Variants in FAM222A observed in about 807,000 individuals in gnomAD.
FAM222A encodes the protein protein FAM222A.
A neutral mutation model predicts 25.8 loss-of-function variants in FAM222A; 7 were observed. That is an observed-to-expected ratio of 0.27 (90% CI 0.15 to 0.51). FAM222A has a LOEUF of 0.51. FAM222A is among the 20% of genes least tolerant of loss of function. FAM222A has a pLI of 0.97. For missense variants in FAM222A, 573 were observed against 640.5 expected, an observed-to-expected ratio of 0.89 and a Z score of 1.14; for synonymous variants, 294 against 298.8, an observed-to-expected ratio of 0.98 and a Z score of 0.17.
chr12:109,721,751 T>A (rs1332455490), intron 1 of FAM222A, among the ~76,000 whole-genome samples: 1 of 152,184 alleles, frequency 6.6e-6, no homozygotes, highest in Non-Finnish European at 1.5e-5. Flanking sequence ...CTCCCACTTG[T>A]GTTCATCCAT....
chr12:109,749,288 T>A (rs1337441336), intron 2 of FAM222A, among the ~76,000 whole-genome samples: 1 of 152,150 alleles, frequency 6.6e-6, no homozygotes, highest in Non-Finnish European at 1.5e-5. Context: ...GTATTTTTAG[T>A]AGAGACGGGG....
At chr12:109,739,352 G>A (rs1312436408) in intron 1 of FAM222A, among the ~76,000 whole-genome samples, 1 of 152,222 alleles carries the variant, frequency 6.6e-6, no homozygotes, top group East Asian at 1.9e-4. Context: ...GTCAGTTCTG[G>A]CTAGATGTTC....
At chr12:109,726,143 T>C (rs112585414) in intron 1 of FAM222A, among the ~76,000 whole-genome samples, 2,219 of 128,278 alleles carry the variant, frequency 0.017, 56 homozygotes, top group African/African-American at 0.061. Context: ...AAAAAAAAAG[T>C]TGGCAAAACC....
At chr12:109,743,608 G>A (rs1157943100) in intron 1 of FAM222A, among the ~76,000 whole-genome samples, 1 of 152,324 alleles carries the variant, frequency 6.6e-6, no homozygotes, top group African/African-American at 2.4e-5. Flanking sequence ...GATGCCCTGG[G>A]CGGGAGACAG....
intron 2 of FAM222A, among the ~76,000 whole-genome samples, chr12:109,766,660 G>A (rs986753824): frequency 1.3e-5 from 2 of 152,222 alleles, no homozygotes; most frequent in African/African-American, 4.8e-5. Context: ...AGGAAGGAAT[G>A]TCCCCCAGAG....
Position 109,714,365 on chromosome 12 carries a change from T to A in FAM222A, c.-579T>A, listed in dbSNP as rs1033508585. 1 of 152,970 alleles carries A rather than the reference T, an allele frequency of 6.5e-6. No homozygotes were observed. The allele number at this position is 152,970 out of a possible 1,614,324, so 9.5% of individuals were successfully genotyped here. ...GGCGAGGAGCCGGGGCCGCTGCGGG[T>A]GCGTGCAACCCCCGAAGGAGACAAT... On this transcript the variant is annotated 5_prime_UTR_variant, in exon 1 of 3. Coordinates refer to ENST00000538780, the MANE Select transcript of FAM222A (RefSeq NM_032829.3). This position sits in a 1 kb window ranked among gnomAD's most constrained non-coding sequence, Gnocchi z 4.2.
rs1343067691 is a variant in FAM222A at position 109,721,204 on chromosome 12, G to C, written c.-47+6307G>C. 5.9e-5 allele frequency among the ~76,000 whole-genome samples: 9 copies of C among 152,194 alleles called. 1 individual carries two copies. The highest frequency in any genetic ancestry group is 5.9e-4 in the Admixed American group (9 of 15,290). On this transcript the variant is annotated intron_variant, in intron 1 of 2. Coordinates refer to ENST00000538780, the MANE Select transcript of FAM222A (RefSeq NM_032829.3). ...CCCTGGGCCACATGGCAGGCCCACAGAACCCCCTTCATTATCCACACAAGC... is the reference window on the plus strand; with the variant it reads ...CCCTGGGCCACATGGCAGGCCCACACAACCCCCTTCATTATCCACACAAGC...
At position 109,768,580 on chromosome 12, in the gene FAM222A, C is replaced by G. The variant is rs1889134947; in HGVS notation, c.651C>G (p.Pro217=). 1 of 1,602,120 alleles carries G rather than the reference C, an allele frequency of 6.2e-7. No homozygotes were observed. The highest frequency in any genetic ancestry group is 1.7e-5 in the Admixed American group (1 of 59,714). ...NQQCQAPGAA[P]PACQGMAIPH... ...AGTGCCAGGCCCCGGGCGCCGCACCCCCTGCCTGCCAGGGCATGGCTATTC... is the reference window on the plus strand; with the variant it reads ...AGTGCCAGGCCCCGGGCGCCGCACCGCCTGCCTGCCAGGGCATGGCTATTC... Residue 217 remains proline (P), a synonymous_variant, in exon 3 of 3, where the codon CCC becomes CCG. Transcript: ENST00000538780.
chr12:109,715,126 G>A (rs1439276357), intron 1 of FAM222A, among the ~76,000 whole-genome samples: 1 of 152,202 alleles, frequency 6.6e-6, no homozygotes, highest in Non-Finnish European at 1.5e-5. Context: ...CGGGTTGGTT[G>A]CCAGAGAGGA....
chr12:109,769,486 C>T lies in FAM222A; in HGVS notation c.*198C>T. 1 of 652,692 alleles carries T rather than the reference C, an allele frequency of 1.5e-6. No individual in the cohort carries two copies. The allele number at this position is 652,692 out of a possible 1,614,324, so 40.4% of individuals were successfully genotyped here. A position where few individuals can be genotyped will look rare whatever the true frequency, so the allele number is the denominator to read the frequency against. On this transcript the variant is annotated 3_prime_UTR_variant, in exon 3 of 3. Coordinates refer to ENST00000538780, the MANE Select transcript of FAM222A (RefSeq NM_032829.3). ...CAACCTCACATACCAAGGCCCCTCC[C>T]CACCATCGGTTGCCCCAGGACACAG...
chr12:109,750,091 A>C (rs1023039041), intron 2 of FAM222A, among the ~76,000 whole-genome samples: 4 of 152,102 alleles, frequency 2.6e-5, no homozygotes, highest in African/African-American at 9.7e-5. Context: ...TTTGTGCTTT[A>C]TTTAAGTTGT....
intron 1 of FAM222A, among the ~76,000 whole-genome samples, chr12:109,741,198 G>A (rs1592786933): frequency 6.6e-6 from 1 of 152,166 alleles, no homozygotes; most frequent in Non-Finnish European, 1.5e-5. Context: ...CCTGCCATGT[G>A]CCCCCAGTGG....
rs142323539 is a variant in FAM222A, at chr12:109,768,207, C to T, written c.278C>T (p.Pro93Leu). 104 of 1,612,942 alleles carry T rather than the reference C, an allele frequency of 6.4e-5. No homozygotes were observed. Among genetic ancestry groups the T allele is most frequent in the Non-Finnish European group, 8.6e-5 (101 of 1,179,780 alleles). Residue 93 changes from proline (P) to leucine (L), a missense_variant, in exon 3 of 3, where the codon CCA becomes CTA. This residue lies in a region of FAM222A where 112 missense variants were observed against 154.6 expected (regional missense o/e 0.72). Coordinates refer to ENST00000538780, the MANE Select transcript of FAM222A (RefSeq NM_032829.3). ...AGTGGCCAGCGCTACAGCCCCTACC[C>T]ACAGCACACCGCTGGCTACCAGGGC... Reference protein sequence around the residue: ...DTSGQRYSPYPQHTAGYQGLL... With the variant: ...DTSGQRYSPYLQHTAGYQGLL...
At chr12:109,743,903 T>A (rs1221102294) in intron 1 of FAM222A, 198 bp from the exon 2 acceptor site, 6 of 985,216 alleles carry the variant, frequency 6.1e-6, no homozygotes, top group Non-Finnish European at 7.2e-6. Flanking sequence ...CTGGATTCTG[T>A]CCCTTCCCAT....
chr12:109,747,746 C>G (rs1313372397), intron 2 of FAM222A, among the ~76,000 whole-genome samples: 1 of 152,170 alleles, frequency 6.6e-6, no homozygotes, highest in Non-Finnish European at 1.5e-5. Flanking sequence ...TGGAAGGTCA[C>G]TTATATGAAG....
At chr12:109,755,562 C>T (rs1015916164) in intron 2 of FAM222A, among the ~76,000 whole-genome samples, 10 of 151,928 alleles carry the variant, frequency 6.6e-5, no homozygotes, top group Admixed American at 1.3e-4. Context: ...CCACGACCTC[C>T]GGTGATCAGC....
chr12:109,731,733 T>C (rs1441382491), intron 1 of FAM222A, among the ~76,000 whole-genome samples: 1 of 152,042 alleles, frequency 6.6e-6, no homozygotes, highest in African/African-American at 2.4e-5. Flanking sequence ...TGCCCACCCA[T>C]GTTGAGGGTC....
At chr12:109,742,305 A>G (rs958537857) in intron 1 of FAM222A, 5 of 152,262 alleles carry the variant, frequency 3.3e-5, no homozygotes, top group Admixed American at 1.3e-4. Context: ...GGCTGTGGTG[A>G]TGGCAGGCCC....
At chr12:109,747,190 T>C (rs1888425137) in intron 2 of FAM222A, among the ~76,000 whole-genome samples, 1 of 152,174 alleles carries the variant, frequency 6.6e-6, no homozygotes, top group Non-Finnish European at 1.5e-5. Context: ...GCCTCCCAGG[T>C]TCAAGTGATT....
Sources: allele counts gnomAD v4.1 joint callset (sites outside exome capture counted in the v4.1 genomes callset), GRCh38; gene constraint gnomAD v4.1.1; regional missense constraint gnomAD v4.1.1; non-coding constraint Gnocchi (gnomAD v3.1); transcripts MANE v1.5; gene names NCBI Gene and HGNC (gene_info 2026-07-23, HGNC 2026-07-21).